ITGAX: variants seen among roughly 807,000 people sequenced by gnomAD.
ITGAX encodes the protein integrin subunit alpha X.
ITGAX carries 99 observed loss-of-function variants against 140.2 expected under a neutral mutation model. The observed-to-expected ratio is 0.71, with a 90% confidence interval of 0.60 to 0.83. The LOEUF (loss-of-function observed/expected upper bound fraction) is 0.83. Ranked by LOEUF, ITGAX falls within the 40% of genes least tolerant of loss-of-function variation. The pLI is 0.00. For missense variants in ITGAX, 1,444 were observed against 1,482.0 expected (o/e 0.97, Z 0.42); for synonymous variants, 631 against 600.4 (o/e 1.05, Z -0.75).
rs1421166055 is a variant in ITGAX at position 31,364,608 on chromosome 16, G to A, written c.1710+1234G>A. ...TACTAGAATGGCTAGAAACAAAGGC[G>A]GATAATGACAGGTGTTGGTGAGGAT... On this transcript the variant is annotated intron_variant, in intron 14 of 29. Coordinates refer to ENST00000268296, the MANE Select transcript of ITGAX (RefSeq NM_000887.5). Among the ~76,000 whole-genome samples, 4 of 152,044 alleles carry A rather than the reference G, an allele frequency of 2.6e-5. No homozygotes were observed. The East Asian group carries it at 5.8e-4, about 22-fold the overall frequency.
At chr16:31,375,780 A>G (rs958234546) in intron 20 of ITGAX, among the ~76,000 whole-genome samples, 1 of 152,236 alleles carries the variant, frequency 6.6e-6, no homozygotes, top group African/African-American at 2.4e-5. Context: ...ATAAAAGAAC[A>G]CAGCAGGAAA....
intron 23 of ITGAX, among the ~76,000 whole-genome samples, chr16:31,377,719 T>C (rs2081033389): frequency 6.6e-6 from 1 of 152,162 alleles, no homozygotes; most frequent in African/African-American, 2.4e-5. Flanking sequence ...GCTCACCTAC[T>C]CTAGGCATGT....
intron 1 of ITGAX, 144 bp downstream of exon 1, chr16:31,355,435 G>T (rs917064231): frequency 5.4e-5 from 46 of 859,246 alleles, no homozygotes; most frequent in East Asian, 3.5e-4. Flanking sequence ...GGCACATAGG[G>T]TCTGAGATTT....
At chr16:31,372,164 C>CT (rs1253613412) in intron 17 of ITGAX, among the ~76,000 whole-genome samples, 2 of 123,332 alleles carry the variant, frequency 1.6e-5, no homozygotes, top group Non-Finnish European at 1.8e-5. Context: ...ATCGGGAGGT[C>CT]TGGGGGGGGG....
In ITGAX at chr16:31,362,574, G is replaced by A. The variant is rs761564537; in HGVS notation, c.1217-37G>A. 684 of 1,591,602 alleles carry A rather than the reference G, an allele frequency of 4.3e-4. 5 individuals carry two copies. Among genetic ancestry groups the A allele is most frequent in the African/African-American group, 8.1e-5 (6 of 74,288 alleles). On this transcript the variant is annotated intron_variant, in intron 11 of 29. Transcript: ENST00000268296. The stretch of plus-strand genomic sequence containing the variant: ...GGGGGTCCAGGGTTCTGGGGAGGGG[G>A]AATGGGGGCCTTTGTGCTGAGGCCT...
rs1297727246 is a variant in ITGAX, at chr16:31,360,028, G to A, written c.670G>A (p.Gly224Arg). 6.2e-7 allele frequency: 1 copy of A among 1,613,194 alleles called. No homozygotes were observed. Among genetic ancestry groups the A allele is most frequent in the South Asian group, 1.1e-5 (1 of 91,084 alleles). ...GTTGGCTTCTGTTCACCAGCTGCAAGGGTTTACATACACGGCCACCGCCAT... is the reference window on the plus strand; with the variant it reads ...GTTGGCTTCTGTTCACCAGCTGCAAAGGTTTACATACACGGCCACCGCCAT... ...SLLASVHQLQGFTYTATAIQN... is the reference protein window; with the variant it reads ...SLLASVHQLQRFTYTATAIQN... Residue 224 changes from glycine to arginine, a missense_variant, in exon 7 of 30, where the codon GGG becomes AGG. By Grantham distance (125) the Gly-to-Arg change is moderately radical. Coordinates refer to ENST00000268296, the MANE Select transcript of ITGAX (RefSeq NM_000887.5).
At position 31,381,907 on chromosome 16, in the gene ITGAX, A is replaced by G. The variant is rs975839956; in HGVS notation, c.3492A>G (p.Ter1164TrpextTer65). Residue 1164 changes from the stop codon to tryptophan, a stop_lost, in exon 30 of 30, where the codon TGA becomes TGG. Coordinates refer to ENST00000268296, the MANE Select transcript of ITGAX (RefSeq NM_000887.5). ...TQTPSPPSEK[*>W] is the part of the protein sequence containing the mutation. The stretch of plus-strand genomic sequence containing the variant: ...CCCCCAGCCCGCCCAGTGAGAAATG[A>G]TCCCCTCTTTGCCTTGGACTTCTTC... 2.1e-6 allele frequency: 2 copies of G among 935,268 alleles called. No individual in the cohort carries two copies. The highest frequency in any genetic ancestry group is 3.6e-6 in the Non-Finnish European group (2 of 559,352). The allele number at this position is 935,268 out of a possible 1,614,324, so 57.9% of individuals were successfully genotyped here. A position where few individuals can be genotyped will look rare whatever the true frequency, so the allele number is the denominator to read the frequency against.
At chr16:31,366,739 T>C (rs1334368586) in intron 14 of ITGAX, among the ~76,000 whole-genome samples, 2 of 152,166 alleles carry the variant, frequency 1.3e-5, no homozygotes, top group African/African-American at 4.8e-5. Flanking sequence ...TAGTCTGGAA[T>C]TCCTGACTCT....
chr16:31,375,295 C>T (rs117070249), intron 20 of ITGAX, among the ~76,000 whole-genome samples: 65 of 152,264 alleles, frequency 4.3e-4, no homozygotes, highest in East Asian at 2.5e-3. Context: ...GGATTACAGG[C>T]GTAAGCCACG....
intron 5 of ITGAX, 31 bp downstream of exon 5, chr16:31,357,395 A>G (rs2080775479): frequency 7.0e-7 from 1 of 1,438,138 alleles, no homozygotes. Flanking sequence ...GGCTTTGAGG[A>G]GCTCACGCAC....
chr16:31,379,698 G>T, intron 24 of ITGAX, 52 bp downstream of exon 24: 1 of 1,585,448 alleles, frequency 6.3e-7, no homozygotes, highest in East Asian at 2.3e-5. Context: ...CTGGGAGCCG[G>T]AGACTGGGGA....
In ITGAX at chr16:31,372,360, G is replaced by T. The variant is rs536640362; in HGVS notation, c.2161-18G>T. The stretch of plus-strand genomic sequence containing the variant: ...ACCCTCCCCTTACCCTCCGCTCCCC[G>T]CGACGCCCGTCCCCCAGAGCTGCGT... On this transcript the variant is annotated intron_variant, in intron 17 of 29. Coordinates refer to ENST00000268296, the MANE Select transcript of ITGAX (RefSeq NM_000887.5). 1.9e-6 allele frequency: 3 copies of T among 1,589,288 alleles called. No individual in the cohort carries two copies. Among genetic ancestry groups the T allele is most frequent in the African/African-American group, 1.4e-5 (1 of 72,882 alleles).
Position 31,362,827 on chromosome 16 carries a change from GC to G in ITGAX, c.1359+75del, listed in dbSNP as rs953958985. On this transcript the variant is annotated intron_variant, in intron 12 of 29. Transcript: ENST00000268296. Reference sequence around the variant, plus strand: ...CTGGGGCAGAGGAGAGGATGGAGGGGCTTTGAGGGCCTTGGGGGAGGTCCTG... The same window carrying G: ...CTGGGGCAGAGGAGAGGATGGAGGGGTTTGAGGGCCTTGGGGGAGGTCCTG... 6 of 1,606,596 alleles carry G rather than the reference GC, an allele frequency of 3.7e-6. No homozygotes were observed. The African/African-American group carries it at 8.0e-5, about 21-fold the overall frequency.
At chr16:31,372,141 A>G (rs2080971046) in intron 17 of ITGAX, among the ~76,000 whole-genome samples, 1 of 147,552 alleles carries the variant, frequency 6.8e-6, no homozygotes, top group African/African-American at 2.5e-5. Flanking sequence ...GGTGGCCAAA[A>G]CAGTCATTGC....
Position 31,360,036 on chromosome 16 carries a change from A to C in ITGAX, c.678A>C (p.Thr226=), listed in dbSNP as rs145143041. 1.9e-5 allele frequency: 30 copies of C among 1,612,492 alleles called. No homozygotes were observed. The African/African-American group carries it at 4.0e-4, about 21-fold the overall frequency. Residue 226 remains threonine, a synonymous_variant, in exon 7 of 30, where the codon ACA becomes ACC. Transcript: ENST00000268296. ...CTGTTCACCAGCTGCAAGGGTTTAC[A>C]TACACGGCCACCGCCATCCAAAATG... ...LASVHQLQGF[T]YTATAIQNVV...
chr16:31,355,915 CA>C lies in ITGAX; in HGVS notation c.62del (p.Asn21ThrfsTer7), dbSNP rs1567293174. ...FTALATSLGF[N>X]LDTEELTAFR... ...CAGCCTTAGCAACTTCTCTAGGTTT[CA>C]ACTTGGACACAGAGGAGCTGACAGC... On this transcript the variant is annotated frameshift_variant, in exon 2 of 30. Transcript: ENST00000268296. LOFTEE classifies it high-confidence loss of function. 1.9e-6 allele frequency: 3 copies of C among 1,613,714 alleles called. No homozygotes were observed. The highest frequency in any genetic ancestry group is 2.5e-6 in the Non-Finnish European group (3 of 1,179,722).
chr16:31,361,453 G>A, intron 9 of ITGAX: 1 of 669,058 alleles, frequency 1.5e-6, no homozygotes, highest in South Asian at 1.9e-5. Context: ...ACCACCACCG[G>A]CTCCACTGCA....
intron 17 of ITGAX, 32 bp downstream of exon 17, chr16:31,371,816 G>T: frequency 6.2e-7 from 1 of 1,607,862 alleles, no homozygotes. Context: ...GGTGGCGGCC[G>T]CGCTGGGGCT....
chr16:31,382,451 C>T lies in ITGAX; in HGVS notation c.*544C>T, dbSNP rs1218994735. On this transcript the variant is annotated 3_prime_UTR_variant, in exon 30 of 30. Transcript: ENST00000268296. Reference sequence around the variant, plus strand: ...ACAGTTCTGAATATGCTGCTCATCCCCACCTGTCTTCAACAGCTCCCCATT... The same window carrying T: ...ACAGTTCTGAATATGCTGCTCATCCTCACCTGTCTTCAACAGCTCCCCATT... 2 of 1,535,432 alleles carry T rather than the reference C, an allele frequency of 1.3e-6. No homozygotes were observed. The highest frequency in any genetic ancestry group is 2.0e-5 in the Admixed American group (1 of 50,976).
Sources: gnomAD v4.1 joint callset for allele counts (sites outside exome capture counted in the v4.1 genomes callset) on GRCh38, gnomAD v4.1.1 for gene constraint, MANE v1.5 for transcripts, NCBI Gene and HGNC (gene_info 2026-07-23, HGNC 2026-07-21) for gene names.